Variants in CADPS2 observed in about 807,000 individuals in gnomAD.
The protein encoded by CADPS2 is calcium-dependent secretion activator 2.
In CADPS2, 93 loss-of-function variants were observed where a neutral mutation model predicts 172.5. That is an observed-to-expected ratio of 0.54 (90% CI 0.46 to 0.64). The LOEUF is 0.64. Among genes scored for constraint, CADPS2 ranks in the 30% least tolerant of loss-of-function variants. The pLI is 0.00. For missense variants in CADPS2, 1,420 were observed against 1,565.9 expected, an observed-to-expected ratio of 0.91 and a Z score of 1.57; for synonymous variants, 546 against 555.2, an observed-to-expected ratio of 0.98 and a Z score of 0.23.
chr7:122,746,774 C>T (rs901086363), intron 1 of CADPS2, among the ~76,000 whole-genome samples: 1 of 152,106 alleles, frequency 6.6e-6, no homozygotes, highest in Non-Finnish European at 1.5e-5. Flanking sequence ...CCCTTACCCA[C>T]TGTTATATTC....
chr7:122,741,087 A>T (rs965123551), intron 1 of CADPS2, among the ~76,000 whole-genome samples: 4 of 152,210 alleles, frequency 2.6e-5, no homozygotes, highest in African/African-American at 9.6e-5. Flanking sequence ...AATAACCTAA[A>T]TGTTCATATA....
At chr7:122,576,773 ATT>A (rs1257767347) in intron 7 of CADPS2, among the ~76,000 whole-genome samples, 17 of 135,844 alleles carry the variant, frequency 1.3e-4, no homozygotes, top group Non-Finnish European at 9.5e-5. Context: ...AGGAGATCTG[ATT>A]TTTTTTTTTT....
intron 28 of CADPS2, among the ~76,000 whole-genome samples, chr7:122,344,635 CTTAT>C (rs1282707754): frequency 6.6e-6 from 1 of 152,134 alleles, no homozygotes; most frequent in African/African-American, 2.4e-5. Context: ...TTTACTGCAG[CTTAT>C]TTGTTTGTTT....
chr7:122,817,058 C>A (rs187165599), intron 1 of CADPS2, among the ~76,000 whole-genome samples: 50 of 151,782 alleles, frequency 3.3e-4, no homozygotes, highest in Admixed American at 7.2e-4. Context: ...ACGGCCCCAC[C>A]CATATCTCCC....
intron 6 of CADPS2, among the ~76,000 whole-genome samples, chr7:122,589,393 A>T (rs988119648): frequency 2.6e-5 from 4 of 152,002 alleles, no homozygotes; most frequent in Non-Finnish European, 5.9e-5. Context: ...TAAGCACTGT[A>T]CAAATGTTTT....
At chr7:122,474,244 C>A in intron 13 of CADPS2, 137 bp downstream of exon 13, 2 of 906,110 alleles carry the variant, frequency 2.2e-6, no homozygotes, top group Non-Finnish European at 3.3e-6. Flanking sequence ...CTCCCACTAC[C>A]CTTATTAAAT....
chr7:122,732,847 C>T (rs1311621626), intron 2 of CADPS2, among the ~76,000 whole-genome samples: 1 of 138,016 alleles, frequency 7.2e-6, no homozygotes, highest in Non-Finnish European at 1.5e-5. Flanking sequence ...ATTATATATG[C>T]TATGTATATT....
At chr7:122,834,676 C>G (rs923105543) in intron 1 of CADPS2, among the ~76,000 whole-genome samples, 7 of 152,226 alleles carry the variant, frequency 4.6e-5, no homozygotes, top group Non-Finnish European at 1.5e-5. Flanking sequence ...ACCCACGGAG[C>G]CTTGCTCACT....
At chr7:122,699,988 G>A (rs1252925879) in intron 2 of CADPS2, among the ~76,000 whole-genome samples, 1 of 152,118 alleles carries the variant, frequency 6.6e-6, no homozygotes, top group Non-Finnish European at 1.5e-5. Context: ...ATCCCTATTA[G>A]AAGATTCCAC....
In CADPS2 at chr7:122,702,467, G is replaced by A. The variant is rs766696764; in HGVS notation, c.453+34488C>T. On this transcript the variant is annotated intron_variant, in intron 2 of 29. Coordinates refer to ENST00000449022, the MANE Select transcript of CADPS2 (RefSeq NM_017954.11). Reference sequence around the variant, plus strand: ...GGCCAGCCATGAGTCTGCCTGTTTGGGCCTGCTGAAATTGGTCAAAGGATG... The same window carrying A: ...GGCCAGCCATGAGTCTGCCTGTTTGAGCCTGCTGAAATTGGTCAAAGGATG... 6 of 1,613,532 alleles carry A rather than the reference G, an allele frequency of 3.7e-6. No homozygotes were observed. In the African/African-American group the frequency reaches 8.0e-5, roughly 22 times the overall value.
At chr7:122,824,558 A>G (rs978590083) in intron 1 of CADPS2, among the ~76,000 whole-genome samples, 12 of 152,304 alleles carry the variant, frequency 7.9e-5, no homozygotes, top group Admixed American at 3.3e-4. Context: ...CTGTCTGTTC[A>G]TATCCTTTGC....
intron 6 of CADPS2, among the ~76,000 whole-genome samples, chr7:122,592,834 C>A (rs1177902213): frequency 6.8e-6 from 1 of 147,584 alleles, no homozygotes; most frequent in Non-Finnish European, 1.5e-5. Context: ...CTGGGGCCTT[C>A]CAGGGGGATG....
chr7:122,497,643 T>C (rs1299165760), intron 9 of CADPS2, among the ~76,000 whole-genome samples: 2 of 152,172 alleles, frequency 1.3e-5, no homozygotes, highest in African/African-American at 2.4e-5. Flanking sequence ...AAGTATATGA[T>C]CTTAACAAGT....
At chr7:122,807,359 G>A (rs1043874313) in intron 1 of CADPS2, among the ~76,000 whole-genome samples, 3 of 152,170 alleles carry the variant, frequency 2.0e-5, no homozygotes, top group African/African-American at 4.8e-5. Flanking sequence ...CTGAACCCAT[G>A]AGAGGTGTTC....
At chr7:122,418,826 A>G (rs34565849) in intron 17 of CADPS2, among the ~76,000 whole-genome samples, 6,231 of 152,286 alleles carry the variant, frequency 0.041, 232 homozygotes, top group Non-Finnish European at 0.057. Flanking sequence ...ATATTTTAGC[A>G]CTAACTACAT....
chr7:122,450,521 C>CTTT (rs11422329), intron 15 of CADPS2, among the ~76,000 whole-genome samples: 1,096 of 79,128 alleles, frequency 0.014, 177 homozygotes, highest in African/African-American at 0.048. Context: ...TATTGGTGGC[C>CTTT]TTTTTTTTTT....
chr7:122,594,228 T>G (rs959457551), intron 6 of CADPS2, among the ~76,000 whole-genome samples: 3 of 151,782 alleles, frequency 2.0e-5, no homozygotes, highest in Non-Finnish European at 2.9e-5. Context: ...TGAGGTCAGA[T>G]GATCAAGACC....
chr7:122,698,445 TAA>T, intron 2 of CADPS2: 1 of 1,614,044 alleles, frequency 6.2e-7, no homozygotes, highest in East Asian at 2.2e-5. Context: ...CCGTGCCTTT[TAA>T]GTTACCAATC....
chr7:122,511,747 A>C (rs1219643238), intron 9 of CADPS2, among the ~76,000 whole-genome samples: 1 of 152,208 alleles, frequency 6.6e-6, no homozygotes, highest in Non-Finnish European at 1.5e-5. Context: ...TGAATGCTTT[A>C]GAAAAACTTG....
Sources: allele counts gnomAD v4.1 joint callset (sites outside exome capture counted in the v4.1 genomes callset), GRCh38; gene constraint gnomAD v4.1.1; transcripts MANE v1.5; gene names NCBI Gene and HGNC (gene_info 2026-07-23, HGNC 2026-07-21).